The following KLRF1 variants were observed in gnomAD, a reference collection of about 807,000 sequenced individuals.
KLRF1 encodes the protein killer cell lectin-like receptor subfamily F member 1.
In KLRF1, 27 loss-of-function variants were observed where a neutral mutation model predicts 30.7. The observed-to-expected ratio is 0.88, with a 90% confidence interval of 0.65 to 1.21. The LOEUF is 1.21. Among genes scored for constraint, KLRF1 ranks in the 50% most tolerant of loss-of-function variants. The pLI, the probability that KLRF1 is intolerant of heterozygous loss-of-function variation, is 0.00. For missense variants in KLRF1, 246 were observed against 259.3 expected (o/e 0.95, Z 0.35); for synonymous variants, 92 against 89.3 (o/e 1.03, Z -0.17).
the KLRF1 span, among the ~76,000 whole-genome samples, chr12:9,805,360 G>A: frequency 6.6e-6 from 1 of 151,842 alleles, no homozygotes; most frequent in African/African-American, 2.4e-5. Flanking sequence ...GGACAAAAGG[G>A]CAAGAGGGAT....
At chr12:9,827,104 C>T (rs1002775059), upstream of KLRF1, among the ~76,000 whole-genome samples, 57 of 152,178 alleles carry the variant, frequency 3.7e-4, no homozygotes, top group Middle Eastern at 3.4e-3. Flanking sequence ...AATTTAATTG[C>T]TTGGCAATTG....
intron 2 of KLRF1, among the ~76,000 whole-genome samples, chr12:9,832,852 A>G (rs1362125671): frequency 6.6e-6 from 1 of 152,178 alleles, no homozygotes; most frequent in Non-Finnish European, 1.5e-5. Flanking sequence ...AGCAGCTACA[A>G]TACTCCAAAT....
intron 3 of KLRF1, among the ~76,000 whole-genome samples, chr12:9,838,588 A>G (rs1450920735): frequency 6.6e-6 from 1 of 152,232 alleles, no homozygotes; most frequent in East Asian, 1.9e-4. Flanking sequence ...TGTGAGTGGT[A>G]AATGCTCCAA....
intron 3 of KLRF1, among the ~76,000 whole-genome samples, chr12:9,836,095 T>A (rs1867569478): frequency 6.6e-6 from 1 of 151,892 alleles, no homozygotes; most frequent in Admixed American, 6.6e-5. Flanking sequence ...AAGGAGAGAT[T>A]AGAAATGGCT....
At chr12:9,807,506 AT>A in the KLRF1 span, among the ~76,000 whole-genome samples, 1 of 152,032 alleles carries the variant, frequency 6.6e-6, no homozygotes, top group African/African-American at 2.4e-5. Context: ...TCATATTTCT[AT>A]TTGTTATACA....
the KLRF1 span, among the ~76,000 whole-genome samples, chr12:9,814,157 C>T: frequency 2.6e-5 from 4 of 152,088 alleles, no homozygotes; most frequent in African/African-American, 7.2e-5. Context: ...TTCTACACCC[C>T]GGGGGAATCG....
the KLRF1 span, among the ~76,000 whole-genome samples, chr12:9,819,793 G>T: frequency 6.6e-6 from 1 of 152,162 alleles, no homozygotes; most frequent in Non-Finnish European, 1.5e-5. Flanking sequence ...ACAGAAAAGT[G>T]GCCAGATTGC....
chr12:9,813,679 C>A, the KLRF1 span, among the ~76,000 whole-genome samples: 1 of 152,012 alleles, frequency 6.6e-6, no homozygotes, highest in South Asian at 2.1e-4. Context: ...AGAACACATT[C>A]GAATTAAGCA....
chr12:9,804,308 G>A, the KLRF1 span, among the ~76,000 whole-genome samples: 1 of 151,716 alleles, frequency 6.6e-6, no homozygotes, highest in Non-Finnish European at 1.5e-5. Context: ...ATAATGAATT[G>A]TAGGAGTTCT....
the KLRF1 span, among the ~76,000 whole-genome samples, chr12:9,807,483 A>G: frequency 2.6e-5 from 4 of 152,138 alleles, no homozygotes; most frequent in Non-Finnish European, 5.9e-5. Flanking sequence ...TTGTGCAGCT[A>G]TCGTCAAACA....
At chr12:9,834,048 A>C (rs1867513745) in intron 3 of KLRF1, among the ~76,000 whole-genome samples, 1 of 151,846 alleles carries the variant, frequency 6.6e-6, no homozygotes, top group Non-Finnish European at 1.5e-5. Context: ...GGAAAATTAC[A>C]GTCGAAGAGG....
At chr12:9,814,611 C>T in the KLRF1 span, among the ~76,000 whole-genome samples, 1 of 152,234 alleles carries the variant, frequency 6.6e-6, no homozygotes, top group African/African-American at 2.4e-5. Context: ...GCCCCACCTA[C>T]CACAGCCTGT....
At chr12:9,814,444 C>T in the KLRF1 span, among the ~76,000 whole-genome samples, 1 of 152,170 alleles carries the variant, frequency 6.6e-6, no homozygotes, top group Non-Finnish European at 1.5e-5. Context: ...ATTGGGTTGT[C>T]TGAGGGTAGG....
rs746854488 is a variant in KLRF1, at chr12:9,827,589, G to T, written c.45G>T (p.Lys15Asn). The change falls in exon 1 of 6, where the codon AAG becomes AAT. Residue 15 changes from lysine (K) to asparagine (N), a missense_variant. Transcript: ENST00000617889. ...ACATGACATTGAATGTACAGTCAAA[G>T]AAAAGGAGTTCTGCCCAAACATCTC... is the stretch of plus-strand genomic sequence containing the variant. ...ERYMTLNVQS[K>N]KRSSAQTSQL... 2 of 1,609,396 alleles carry T rather than the reference G, an allele frequency of 1.2e-6. No homozygotes were observed. Among genetic ancestry groups the T allele is most frequent in the Admixed American group, 3.4e-5 (2 of 59,550 alleles).
At chr12:9,821,667 A>G in the KLRF1 span, among the ~76,000 whole-genome samples, 2,272 of 152,330 alleles carry the variant, frequency 0.015, 59 homozygotes, top group African/African-American at 0.05. Flanking sequence ...GAGAGGAAAC[A>G]TAAACACTGA....
At chr12:9,828,237 G>C (rs912033941) in intron 1 of KLRF1, among the ~76,000 whole-genome samples, 1 of 151,902 alleles carries the variant, frequency 6.6e-6, no homozygotes, top group Non-Finnish European at 1.5e-5. Context: ...CCGCCACCAT[G>C]CCTGGCTAAT....
chr12:9,821,617 AACC>A, the KLRF1 span, among the ~76,000 whole-genome samples: 2 of 152,160 alleles, frequency 1.3e-5, no homozygotes, highest in Non-Finnish European at 2.9e-5. Flanking sequence ...CTTCAGCCAC[AACC>A]ACTCCTAAGG....
At chr12:9,807,209 C>T in the KLRF1 span, among the ~76,000 whole-genome samples, 6,817 of 151,742 alleles carry the variant, frequency 0.045, 315 homozygotes, top group African/African-American at 0.12. Flanking sequence ...ATCCTTTTGC[C>T]TTTTTTGGTG....
chr12:9,840,450 A>G (rs945677366), intron 3 of KLRF1, among the ~76,000 whole-genome samples: 10 of 152,092 alleles, frequency 6.6e-5, no homozygotes, highest in East Asian at 3.8e-4. Context: ...ATTTTTATAT[A>G]TATCTCACTT....
Sources: gnomAD v4.1 joint callset for allele counts (sites outside exome capture counted in the v4.1 genomes callset) on GRCh38, gnomAD v4.1.1 for gene constraint, MANE v1.5 for transcripts, NCBI Gene and HGNC (gene_info 2026-07-23, HGNC 2026-07-21) for gene names.